FGF13: variants seen among roughly 807,000 people sequenced by gnomAD.
FGF13 encodes fibroblast growth factor 13.
Under a neutral mutation model 19.5 loss-of-function variants are expected in FGF13, and 2 were observed. That is an observed-to-expected ratio of 0.10 (90% CI 0.04 to 0.32). FGF13 has a LOEUF of 0.32. Among genes scored for constraint, FGF13 ranks in the 10% least tolerant of loss-of-function variants. FGF13 has a pLI of 1.00. For synonymous variants in FGF13, 72 were observed against 76.9 expected, an observed-to-expected ratio of 0.94 and a Z score of 0.33; for missense variants, 113 against 192.7, an observed-to-expected ratio of 0.59 and a Z score of 2.45.
intron 3 of FGF13, among the ~76,000 whole-genome samples, chrX:138,765,716 A>G (rs777566984): frequency 9.0e-6 from 1 of 111,375 alleles, no homozygotes; most frequent in African/African-American, 3.3e-5. Context: ...AACAAATTAT[A>G]CTCAATCTCT....
At chrX:139,186,265 G>A (rs750603839) in intron 1 of FGF13, among the ~76,000 whole-genome samples, 1 of 111,722 alleles carries the variant, frequency 9.0e-6, no homozygotes, top group East Asian at 2.8e-4. Context: ...AGTTGTAAGT[G>A]CTAGAGATGG....
chrX:138,909,365 C>T (rs1021467389), intron 1 of FGF13, among the ~76,000 whole-genome samples: 1 of 111,427 alleles, frequency 9.0e-6, no homozygotes, highest in African/African-American at 3.3e-5. Context: ...TGTCCCAAAA[C>T]CCAGAGAGAG....
At chrX:139,117,770 G>A (rs1046202596) in intron 1 of FGF13, among the ~76,000 whole-genome samples, 1 of 111,641 alleles carries the variant, frequency 9.0e-6, no homozygotes, top group Non-Finnish European at 1.9e-5. Flanking sequence ...ACAGATGCCT[G>A]GGGTAATACC....
At chrX:139,082,088 A>G (rs2083374518) in intron 1 of FGF13, among the ~76,000 whole-genome samples, 2 of 111,150 alleles carry the variant, frequency 1.8e-5, no homozygotes, top group African/African-American at 6.6e-5. Context: ...CTCTGACCTC[A>G]TTCCCTACCA....
At chrX:138,781,034 A>G (rs2090637289) in intron 3 of FGF13, among the ~76,000 whole-genome samples, 1 of 111,341 alleles carries the variant, frequency 9.0e-6, no homozygotes, top group Non-Finnish European at 1.9e-5. Flanking sequence ...GCTCAACTAC[A>G]TGGAAACTGA....
intron 3 of FGF13, among the ~76,000 whole-genome samples, chrX:138,781,493 C>T (rs1221258122): frequency 1.6e-4 from 17 of 108,650 alleles, no homozygotes; most frequent in Admixed American, 3.9e-4. Context: ...ATATCACCAC[C>T]GATCCCACAG....
chrX:138,694,638 A>AC (rs1205449159), intron 3 of FGF13, among the ~76,000 whole-genome samples: 11 of 104,527 alleles, frequency 1.1e-4, no homozygotes, highest in Admixed American at 6.2e-4. Flanking sequence ...ATTTATTTTT[A>AC]TTTTTTTAAA....
At chrX:138,642,905 C>T (rs1264421198) in intron 3 of FGF13, among the ~76,000 whole-genome samples, 4 of 112,094 alleles carry the variant, frequency 3.6e-5, no homozygotes, top group Admixed American at 9.5e-5. Context: ...TAATTAGCAA[C>T]GATTTCTAAA....
chrX:138,840,101 G>A (rs1202396823), intron 3 of FGF13, among the ~76,000 whole-genome samples: 1 of 111,838 alleles, frequency 8.9e-6, no homozygotes, highest in Non-Finnish European at 1.9e-5. Flanking sequence ...AACCTGACTT[G>A]AGGCAATATT....
At chrX:138,954,561 C>A (rs1184442385) in intron 1 of FGF13, among the ~76,000 whole-genome samples, 2 of 111,618 alleles carry the variant, frequency 1.8e-5, no homozygotes, top group Non-Finnish European at 3.8e-5. Flanking sequence ...TAGGTAGCAA[C>A]TGACACTGAG....
intron 1 of FGF13, among the ~76,000 whole-genome samples, chrX:138,867,786 TATCTATCTATCTATC>T (rs1569414534): frequency 1.5e-5 from 1 of 66,710 alleles, no homozygotes; most frequent in African/African-American, 6.2e-5. Flanking sequence ...TCTCTAAATC[TATCTATCTATCTATC>T]TATCTATCTA....
intron 3 of FGF13, among the ~76,000 whole-genome samples, chrX:138,648,475 T>C (rs2089331384): frequency 9.0e-6 from 1 of 111,303 alleles, no homozygotes; most frequent in Non-Finnish European, 1.9e-5. Context: ...AAGTAGGAGA[T>C]ATTTTTTTCT....
intron 3 of FGF13, among the ~76,000 whole-genome samples, chrX:138,809,941 A>G (rs1213371436): frequency 8.9e-6 from 1 of 111,749 alleles, no homozygotes; most frequent in Non-Finnish European, 1.9e-5. Flanking sequence ...ACGAAATAAA[A>G]GAGGACACAA....
chrX:138,804,412 T>C (rs1011507449), intron 3 of FGF13, among the ~76,000 whole-genome samples: 11 of 112,344 alleles, frequency 9.8e-5, no homozygotes, highest in Admixed American at 8.5e-4. Context: ...TCACCTGAAC[T>C]GTGCAATTCA....
At chrX:138,853,001 GC>G (rs1478600202), downstream of FGF13, among the ~76,000 whole-genome samples, 1 of 110,435 alleles carries the variant, frequency 9.1e-6, no homozygotes, top group Non-Finnish European at 1.9e-5. Flanking sequence ...GCAAACCAAG[GC>G]CCCATGCTTT....
intron 1 of FGF13, among the ~76,000 whole-genome samples, chrX:138,921,971 C>CAAAAAAAA (rs35464038): frequency 3.0e-5 from 2 of 67,505 alleles, no homozygotes; most frequent in Non-Finnish European, 2.8e-5. Context: ...TTATGGAACT[C>CAAAAAAAA]AAAAAAAAAA....
intron 1 of FGF13, among the ~76,000 whole-genome samples, chrX:138,956,689 G>A (rs925581480): frequency 8.1e-5 from 9 of 111,385 alleles, no homozygotes; most frequent in Admixed American, 7.6e-4. Context: ...TCTGAGCGAC[G>A]TAGGGGTGTG....
At chrX:138,711,770 C>A (rs772830096), upstream of FGF13, 2 of 640,534 alleles carry the variant, frequency 3.1e-6, no homozygotes, top group Non-Finnish European at 3.7e-6. Flanking sequence ...GGGCTGAGCC[C>A]GTAGGCTCGG....
chrX:138,655,661 C>CTACT (rs2089428946), intron 3 of FGF13, among the ~76,000 whole-genome samples: 1 of 111,026 alleles, frequency 9.0e-6, no homozygotes, highest in East Asian at 2.8e-4. Flanking sequence ...TTCGAAGCTG[C>CTACT]TACTCTAAGC....
Sources: allele counts gnomAD v4.1 joint callset (sites outside exome capture counted in the v4.1 genomes callset), GRCh38; gene constraint gnomAD v4.1.1; transcripts MANE v1.5; gene names NCBI Gene and HGNC (gene_info 2026-07-23, HGNC 2026-07-21).